The following SEPTIN7 variants were observed in gnomAD, a reference collection of about 807,000 sequenced individuals.
SEPTIN7 encodes septin 7.
SEPTIN7 carries 10 observed loss-of-function variants against 63.3 expected under a neutral mutation model. The ratio of observed to expected loss-of-function variants is 0.16; its 90% CI spans 0.10 to 0.27. SEPTIN7 has a LOEUF of 0.27. Among genes scored for constraint, SEPTIN7 ranks in the 10% least tolerant of loss-of-function variants. SEPTIN7 has a pLI of 1.00. For synonymous variants in SEPTIN7, 131 were observed against 165.3 expected (o/e 0.79, Z 1.59); for missense variants, 310 against 521.0 (o/e 0.59, Z 3.94).
chr7:35,882,416 T>C, intron 7 of SEPTIN7, 68 bp from the exon 8 acceptor site: 15 of 1,186,784 alleles, frequency 1.3e-5, no homozygotes, highest in Non-Finnish European at 1.6e-5. Context: ...AAGAGGCATG[T>C]AATGAACATA....
chr7:35,912,151 C>G, the SEPTIN7 span, among the ~76,000 whole-genome samples: 1 of 152,222 alleles, frequency 6.6e-6, no homozygotes, highest in Non-Finnish European at 1.5e-5. Flanking sequence ...TGGCCATAAA[C>G]TGGCCACAAA....
chr7:35,903,313 C>G (rs1411702915), intron 13 of SEPTIN7, 98 bp downstream of exon 13: 2 of 1,419,146 alleles, frequency 1.4e-6, no homozygotes, highest in Non-Finnish European at 1.9e-6. Flanking sequence ...CTTAAAAAGT[C>G]ATCACCCATT....
intron 2 of SEPTIN7, chr7:35,832,135 A>G: frequency 2.2e-6 from 1 of 454,152 alleles, no homozygotes; most frequent in Non-Finnish European, 4.4e-6. Flanking sequence ...ATAAAAAACC[A>G]ATAGAAAATG....
At chr7:35,855,057 GA>G (rs1299947716) in intron 3 of SEPTIN7, among the ~76,000 whole-genome samples, 11 of 152,156 alleles carry the variant, frequency 7.2e-5, no homozygotes, top group African/African-American at 1.9e-4. Context: ...CCTGTCTCTA[GA>G]AATAAGCATT....
intron 1 of SEPTIN7, among the ~76,000 whole-genome samples, chr7:35,819,054 G>A (rs10270017): frequency 0.52 from 78,945 of 151,804 alleles, 23,690 homozygotes; most frequent in African/African-American, 0.84. Flanking sequence ...AGGTTATGAT[G>A]TGAGATCTTT....
At chr7:35,820,772 C>G (rs1789363818) in intron 1 of SEPTIN7, among the ~76,000 whole-genome samples, 1 of 152,108 alleles carries the variant, frequency 6.6e-6, no homozygotes. Flanking sequence ...TTGCAAGGCT[C>G]ATACTTTTCT....
intron 11 of SEPTIN7, among the ~76,000 whole-genome samples, chr7:35,895,166 A>G (rs1369475478): frequency 3.9e-5 from 6 of 152,166 alleles, no homozygotes; most frequent in Non-Finnish European, 8.8e-5. Context: ...TACAACTTAA[A>G]TGGTTTTTCC....
At chr7:35,809,804 C>T (rs1788580459) in intron 1 of SEPTIN7, among the ~76,000 whole-genome samples, 1 of 152,122 alleles carries the variant, frequency 6.6e-6, no homozygotes, top group Non-Finnish European at 1.5e-5. Flanking sequence ...AAGTGGTAAT[C>T]GTAAGAATCG....
chr7:35,869,693 T>C (rs1786028920), intron 4 of SEPTIN7, among the ~76,000 whole-genome samples: 1 of 152,226 alleles, frequency 6.6e-6, no homozygotes, highest in South Asian at 2.1e-4. Flanking sequence ...AAACTCAGTA[T>C]ACTGGAACTC....
chr7:35,821,957 G>T (rs1789436306), intron 1 of SEPTIN7, among the ~76,000 whole-genome samples: 2 of 152,156 alleles, frequency 1.3e-5, no homozygotes, highest in Non-Finnish European at 2.9e-5. Flanking sequence ...TTTTAGTAGA[G>T]ACGGGGTTTC....
intron 3 of SEPTIN7, among the ~76,000 whole-genome samples, chr7:35,861,284 A>G (rs1027672422): frequency 4.6e-5 from 7 of 152,082 alleles, no homozygotes; most frequent in African/African-American, 1.4e-4. Flanking sequence ...TAATATCTGT[A>G]TTTCTTCAGG....
intron 1 of SEPTIN7, among the ~76,000 whole-genome samples, chr7:35,812,959 C>G (rs1425515219): frequency 3.3e-5 from 5 of 152,130 alleles, no homozygotes; most frequent in Admixed American, 3.3e-4. Flanking sequence ...CAAAAGCTCC[C>G]CATATTCTTC....
At chr7:35,808,346 A>G (rs1788486714) in intron 1 of SEPTIN7, among the ~76,000 whole-genome samples, 1 of 152,172 alleles carries the variant, frequency 6.6e-6, no homozygotes, top group African/African-American at 2.4e-5. Flanking sequence ...CACCCTTGGT[A>G]GCATTAAGAC....
chr7:35,855,579 AT>A (rs1785165033), intron 3 of SEPTIN7, among the ~76,000 whole-genome samples: 1 of 152,154 alleles, frequency 6.6e-6, no homozygotes, highest in Non-Finnish European at 1.5e-5. Flanking sequence ...GATCTCTTAG[AT>A]TTTTATGTGT....
At chr7:35,908,633 G>A, downstream of SEPTIN7, among the ~76,000 whole-genome samples, 1 of 151,674 alleles carries the variant, frequency 6.6e-6, no homozygotes, top group East Asian at 1.9e-4. Flanking sequence ...GCATAGATGA[G>A]GAGGCTAGCA....
At chr7:35,886,887 A>G (rs890327037) in intron 10 of SEPTIN7, among the ~76,000 whole-genome samples, 2 of 152,220 alleles carry the variant, frequency 1.3e-5, no homozygotes, top group African/African-American at 4.8e-5. Flanking sequence ...AATAGAGGTG[A>G]GAGTGAATTT....
chr7:35,884,166 A>G (rs1787077992), intron 9 of SEPTIN7, among the ~76,000 whole-genome samples, 179 bp downstream of exon 9: 1 of 152,142 alleles, frequency 6.6e-6, no homozygotes, highest in African/African-American at 2.4e-5. Context: ...GTATTTTTCA[A>G]ACCTGTATCC....
At chr7:35,913,462 ATCTT>A in the SEPTIN7 span, among the ~76,000 whole-genome samples, 1 of 99,822 alleles carries the variant, frequency 1.0e-5, no homozygotes, top group African/African-American at 4.0e-5. Flanking sequence ...TCTTTCTTTC[ATCTT>A]TCTTTCTTCC....
intron 6 of SEPTIN7, among the ~76,000 whole-genome samples, chr7:35,876,177 A>G (rs1415774127): frequency 6.6e-6 from 1 of 152,132 alleles, no homozygotes; most frequent in Non-Finnish European, 1.5e-5. Context: ...TTTCCTTGTT[A>G]TGTTTATTTT....
Sources: gnomAD v4.1 joint callset for allele counts (sites outside exome capture counted in the v4.1 genomes callset) on GRCh38, gnomAD v4.1.1 for gene constraint, MANE v1.5 for transcripts, NCBI Gene and HGNC (gene_info 2026-07-23, HGNC 2026-07-21) for gene names.